Variants in MAP3K9 observed in about 807,000 individuals in gnomAD.
MAP3K9 encodes mixed lineage kinase 1 (tyr and ser/thr specificity).
In MAP3K9, 46 loss-of-function variants were observed where a neutral mutation model predicts 95.8. The ratio of observed to expected loss-of-function variants is 0.48; its 90% CI spans 0.38 to 0.61. The LOEUF (loss-of-function observed/expected upper bound fraction) is 0.61, where lower values mean the gene tolerates loss of function less well. Among genes scored for constraint, MAP3K9 ranks in the 20% least tolerant of loss-of-function variants. The probability of loss-of-function intolerance (pLI) is 0.00; values close to 1 mark genes in which losing one functional copy is unlikely to be tolerated. For synonymous variants in MAP3K9, 533 were observed against 593.8 expected, an observed-to-expected ratio of 0.90 and a Z score of 1.49; for missense variants, 1,296 against 1,474.3, an observed-to-expected ratio of 0.88 and a Z score of 1.98.
In MAP3K9 at chr14:70,802,415, T is replaced by C. The variant is rs369500390; in HGVS notation, c.407-1335A>G. On this transcript the variant is annotated intron_variant, in intron 1 of 11. Transcript: ENST00000554752. ...CAGAATTTGAACCTAAGGTACTTGA[T>C]TATATATTTTGTTGTGTGTGGAAAG... Among the ~76,000 whole-genome samples the C allele has an allele frequency of 2.7e-4, 41 of 152,300 alleles. No individual in the cohort carries two copies. In the East Asian group the frequency reaches 5.0e-3, roughly 19 times the overall value.
chr14:70,750,175 C>T (rs1383947894), intron 3 of MAP3K9, 94 bp from the exon 4 acceptor site: 1 of 1,087,434 alleles, frequency 9.2e-7, no homozygotes, highest in African/African-American at 1.6e-5. Flanking sequence ...CCACATTCTC[C>T]CCAACAGATA....
intron 11 of MAP3K9, 82 bp from the exon 12 acceptor site, chr14:70,730,946 A>G: frequency 1.4e-5 from 19 of 1,388,408 alleles, no homozygotes; most frequent in Non-Finnish European, 1.8e-5. Flanking sequence ...CCCCAACACC[A>G]CCATATCCCT....
At chr14:70,742,716 T>A in intron 5 of MAP3K9, 125 bp from the exon 6 acceptor site, 1 of 1,120,108 alleles carries the variant, frequency 8.9e-7, no homozygotes, top group Non-Finnish European at 1.2e-6. Flanking sequence ...TGATGCTCAG[T>A]GAAGAGAGAG....
chr14:70,769,941 T>C (rs2054508518), intron 2 of MAP3K9, among the ~76,000 whole-genome samples: 1 of 152,184 alleles, frequency 6.6e-6, no homozygotes, highest in Admixed American at 6.5e-5. Context: ...GGGACACTAT[T>C]CTACCCACAA....
At chr14:70,746,438 T>C (rs2054148122) in intron 5 of MAP3K9, among the ~76,000 whole-genome samples, 1 of 152,230 alleles carries the variant, frequency 6.6e-6, no homozygotes, top group Non-Finnish European at 1.5e-5. Flanking sequence ...ATCTTCCACA[T>C]ACAGAATGAG....
At chr14:70,780,442 G>A (rs1230907568) in intron 2 of MAP3K9, among the ~76,000 whole-genome samples, 1 of 152,128 alleles carries the variant, frequency 6.6e-6, no homozygotes, top group African/African-American at 2.4e-5. Context: ...CATCTCCCAT[G>A]CTGCTGAGTG....
chr14:70,777,060 A>G (rs2054609135), intron 2 of MAP3K9, among the ~76,000 whole-genome samples: 1 of 151,816 alleles, frequency 6.6e-6, no homozygotes, highest in African/African-American at 2.4e-5. Flanking sequence ...CGAACTCCTT[A>G]CCTCAGGTGA....
chr14:70,770,268 C>T (rs1411325403), intron 2 of MAP3K9, among the ~76,000 whole-genome samples: 1 of 152,202 alleles, frequency 6.6e-6, no homozygotes, highest in African/African-American at 2.4e-5. Flanking sequence ...GCAACCTCCA[C>T]TTCCTGGGTT....
rs113990958 is a variant in MAP3K9 at position 70,768,937 on chromosome 14, G to A, written c.821-7755C>T. On this transcript the variant is annotated intron_variant, in intron 2 of 11. Coordinates refer to ENST00000554752, the MANE Select transcript of MAP3K9 (RefSeq NM_001284230.2). ...TTCAATGCCATCTCTCCTACATTAC[G>A]TAACTCAGCTAATTTGGTTTTGAGG... Among the ~76,000 whole-genome samples, 1,148 of 152,264 alleles carry A rather than the reference G, an allele frequency of 7.5e-3. 19 individuals are homozygous for A. Among genetic ancestry groups the A allele is most frequent in the African/African-American group, 0.026 (1,073 of 41,560 alleles).
intron 2 of MAP3K9, among the ~76,000 whole-genome samples, chr14:70,778,744 T>C (rs1461024495): frequency 1.3e-5 from 2 of 152,228 alleles, no homozygotes; most frequent in Non-Finnish European, 1.5e-5. Flanking sequence ...GGATATGTAC[T>C]GTTTTAATCT....
intron 2 of MAP3K9, among the ~76,000 whole-genome samples, chr14:70,763,957 G>A (rs1156956236): frequency 9.9e-5 from 15 of 150,894 alleles, no homozygotes; most frequent in South Asian, 2.1e-4. Context: ...AGGCCGAGGC[G>A]GGTGGATCAT....
Position 70,730,688 on chromosome 14 carries a change from G to T in MAP3K9, c.3007C>A (p.Arg1003=), listed in dbSNP as rs758186971. The T allele has an allele frequency of 1.2e-6, 2 of 1,613,794 alleles. No individual in the cohort carries two copies. Among genetic ancestry groups the T allele is most frequent in the East Asian group, 4.5e-5 (2 of 44,884 alleles). Residue 1003 remains arginine (R), a synonymous_variant, in exon 12 of 12, where the codon CGG becomes AGG. Transcript: ENST00000554752. ...GACACAAACCACCAAGGGTCCAGCC[G>T]TTGCCGGTTGGCAGAAGGACGCGGC... ...PRPRPSANRQ[R]LDPWWFVSPS...
At chr14:70,738,824 G>A (rs1346693975) in intron 7 of MAP3K9, among the ~76,000 whole-genome samples, 1 of 152,114 alleles carries the variant, frequency 6.6e-6, no homozygotes, top group Non-Finnish European at 1.5e-5. Flanking sequence ...AAAATGAGGA[G>A]TTCAAGGTTA....
In MAP3K9 at chr14:70,730,814, G is replaced by C; in HGVS notation, c.2881C>G (p.Leu961Val). 1 of 1,612,412 alleles carries C rather than the reference G, an allele frequency of 6.2e-7. No homozygotes were observed. The highest frequency in any genetic ancestry group is 1.1e-5 in the South Asian group (1 of 91,030). ...PSRDPGEFPR[L>V]PDPNVVFPPT... ...GGGAAGACCACATTGGGGTCAGGGA[G>C]ACGGGGGAATTCACCTGGGTCTCGG... The change falls in exon 12 of 12, where the codon CTC becomes GTC. Residue 961 changes from leucine to valine, a missense_variant. Physicochemically the swap from Leu to Val is conservative, Grantham distance 32. Transcript: ENST00000554752.
chr14:70,763,034 T>C (rs2054396308), intron 2 of MAP3K9, among the ~76,000 whole-genome samples: 1 of 152,234 alleles, frequency 6.6e-6, no homozygotes, highest in Non-Finnish European at 1.5e-5. Context: ...CAACATGCTT[T>C]CCTGAGTGGA....
chr14:70,742,179 A>G (rs762486536), intron 6 of MAP3K9, among the ~76,000 whole-genome samples, 172 bp downstream of exon 6: 23 of 152,298 alleles, frequency 1.5e-4, no homozygotes, highest in South Asian at 4.1e-4. Context: ...GGAGTAGGGT[A>G]GATTTTCAAC....
At chr14:70,768,434 G>A (rs887523895) in intron 2 of MAP3K9, among the ~76,000 whole-genome samples, 3 of 152,020 alleles carry the variant, frequency 2.0e-5, no homozygotes, top group South Asian at 2.1e-4. Flanking sequence ...TGGCAGACCC[G>A]CATATGGTCA....
At chr14:70,735,847 A>T in intron 9 of MAP3K9, 114 bp downstream of exon 9, 1 of 825,822 alleles carries the variant, frequency 1.2e-6, no homozygotes, top group Non-Finnish European at 2.1e-6. Flanking sequence ...CAAAAAAGTC[A>T]GTTCAGCCCT....
chr14:70,735,252 G>A (rs1007609889), intron 9 of MAP3K9, among the ~76,000 whole-genome samples: 2 of 152,120 alleles, frequency 1.3e-5, no homozygotes, highest in Admixed American at 1.3e-4. Context: ...TAGGAGGGGG[G>A]AACCAGAGGC....
Sources: gnomAD v4.1 joint callset for allele counts (sites outside exome capture counted in the v4.1 genomes callset) on GRCh38, gnomAD v4.1.1 for gene constraint, MANE v1.5 for transcripts, NCBI Gene and HGNC (gene_info 2026-07-23, HGNC 2026-07-21) for gene names.